Variants in RAB44 observed in about 807,000 individuals in gnomAD.
RAB44 encodes the protein RAB44, member RAS oncogene family.
Under a neutral mutation model 93.3 loss-of-function variants are expected in RAB44, and 67 were observed. The ratio of observed to expected loss-of-function variants is 0.72; its 90% CI spans 0.59 to 0.88. The LOEUF (loss-of-function observed/expected upper bound fraction) is 0.88. RAB44 is among the 40% of genes least tolerant of loss of function. The probability of loss-of-function intolerance (pLI) is 0.00; values close to 1 mark genes in which losing one functional copy is unlikely to be tolerated. For missense variants in RAB44, 1,064 were observed against 1,261.7 expected (o/e 0.84, Z 2.37); for synonymous variants, 427 against 520.3 (o/e 0.82, Z 2.44).
Position 36,710,705 on chromosome 6 carries a change from G to A in RAB44, c.208-3123G>A, listed in dbSNP as rs1378485677. Among the ~76,000 whole-genome samples the A allele has an allele frequency of 9.2e-5, 14 of 151,706 alleles. 1 individual carries two copies. The highest frequency in any genetic ancestry group is 2.4e-4 in the African/African-American group (10 of 41,148). ...ATGATCTTGGCTCACCGCAACCTCC[G>A]CCTCCTGGGATCAAGTGATTCTCCT... is the stretch of plus-strand genomic sequence containing the variant. On this transcript the variant is annotated intron_variant, in intron 2 of 13. Coordinates refer to ENST00000612677, the MANE Select transcript of RAB44 (RefSeq NM_001257357.2).
In RAB44 at chr6:36,732,124, C is replaced by A; in HGVS notation, c.*31C>A. 5.8e-6 allele frequency: 7 copies of A among 1,211,180 alleles called. No individual in the cohort carries two copies. The South Asian group carries it at 2.1e-4, about 36-fold the overall frequency. 75.0% of individuals were successfully genotyped at this position (1,211,180 alleles called of 1,614,324 possible). On this transcript the variant is annotated 3_prime_UTR_variant, in exon 14 of 14. Transcript: ENST00000612677. ...TGTCCTGTCCTGGGTAGGATGGACA[C>A]CCATGGGGTTTCCTGTCCCTCAGCT...
At chr6:36,709,860 A>G (rs913514965) in intron 2 of RAB44, among the ~76,000 whole-genome samples, 3 of 152,150 alleles carry the variant, frequency 2.0e-5, no homozygotes, top group African/African-American at 4.8e-5. Context: ...CCCAGCCTGT[A>G]TTAATTGCAC....
chr6:36,708,057 A>T (rs1219537906), intron 2 of RAB44, among the ~76,000 whole-genome samples: 1 of 152,010 alleles, frequency 6.6e-6, no homozygotes, highest in Non-Finnish European at 1.5e-5. Context: ...AAAAAGGTTT[A>T]AAAAATTAGC....
rs77465494 is a variant in RAB44, at chr6:36,703,038, G to A, written c.-12-1186G>A. 2.7e-3 allele frequency among the ~76,000 whole-genome samples: 406 copies of A among 152,266 alleles called. 2 individuals carry two copies. The highest frequency in any genetic ancestry group is 9.2e-3 in the African/African-American group (382 of 41,546). ...TGTACTACCGCAGATACCATAGAAT[G>A]GGAAATTTACATAGAGCAGAAATTT... On this transcript the variant is annotated intron_variant, in intron 1 of 13. Coordinates refer to ENST00000612677, the MANE Select transcript of RAB44 (RefSeq NM_001257357.2).
At chr6:36,715,136 A>G (rs1273471421) in intron 3 of RAB44, among the ~76,000 whole-genome samples, 1 of 148,398 alleles carries the variant, frequency 6.7e-6, no homozygotes, top group Non-Finnish European at 1.5e-5. Flanking sequence ...AACTCGCACT[A>G]GAATGTCATC....
chr6:36,723,408 GTTA>G (rs1228098548), intron 9 of RAB44, among the ~76,000 whole-genome samples: 1 of 152,074 alleles, frequency 6.6e-6, no homozygotes, highest in Non-Finnish European at 1.5e-5. Flanking sequence ...TATTATGGTT[GTTA>G]TTATTATTAT....
chr6:36,722,276 C>T lies in RAB44; in HGVS notation c.2142C>T (p.Asp714=), dbSNP rs987460273. The T allele has an allele frequency of 3.9e-6, 5 of 1,293,778 alleles. No homozygotes were observed. The highest frequency in any genetic ancestry group is 4.9e-6 in the Non-Finnish European group (5 of 1,022,686). The allele number at this position is 1,293,778 out of a possible 1,614,324, so 80.1% of individuals were successfully genotyped here. The part of the protein sequence containing the change: ...ETAHSELPQQ[D]SLLVSLPSAT... ...CGCATTCGGAACTCCCCCAGCAAGA[C>T]TCTCTGCTTGTTTCTCTCCCATCTG... The change falls in exon 9 of 14, where the codon GAC becomes GAT. Residue 714 remains aspartate (D), a synonymous_variant. Transcript: ENST00000612677.
intron 1 of RAB44, among the ~76,000 whole-genome samples, chr6:36,699,515 A>G (rs879670998): frequency 6.6e-6 from 1 of 152,150 alleles, no homozygotes; most frequent in Non-Finnish European, 1.5e-5. Context: ...ATTGGGCGTC[A>G]CCACAGGAGC....
intron 1 of RAB44, among the ~76,000 whole-genome samples, chr6:36,698,546 G>T (rs1185495224): frequency 6.6e-6 from 1 of 152,160 alleles, no homozygotes; most frequent in Non-Finnish European, 1.5e-5. Flanking sequence ...CTCATGTTTG[G>T]CTTCAAGTTT....
chr6:36,697,873 C>T lies in RAB44; in HGVS notation c.-55C>T. On this transcript the variant is annotated 5_prime_UTR_variant, in exon 1 of 14. Transcript: ENST00000612677. Reference sequence around the variant, plus strand: ...GGCAGCAGTCACCCTACCACCAGGTCCCAGAGCCCAGGGCTGTGTGTTCCA... The same window carrying T: ...GGCAGCAGTCACCCTACCACCAGGTTCCAGAGCCCAGGGCTGTGTGTTCCA... 6.6e-6 allele frequency: 1 copy of T among 152,436 alleles called. No homozygotes were observed. Among genetic ancestry groups the T allele is most frequent in the Non-Finnish European group, 1.5e-5 (1 of 68,118 alleles). 9.4% of individuals were successfully genotyped at this position (152,436 alleles called of 1,614,324 possible).
intron 9 of RAB44, among the ~76,000 whole-genome samples, chr6:36,723,937 G>A (rs977310444): frequency 2.6e-4 from 39 of 150,890 alleles, no homozygotes; most frequent in Admixed American, 2.1e-3. Flanking sequence ...GGCACATGCC[G>A]ACTGGGGATC....
At position 36,730,759 on chromosome 6, in the gene RAB44, G is replaced by GGCCGGGCGC; in HGVS notation, c.2975+10_2975+11insGCCGGGCGC. Reference sequence around the variant, plus strand: ...TAGTAAACCTGGCCAGGTAAGTGCTGCCCGCCCCCCGCCGCCCCCACCCCC... The same window carrying GGCCGGGCGC: ...TAGTAAACCTGGCCAGGTAAGTGCTGGCCGGGCGCCCCGCCCCCCGCCGCCCCCACCCCC... On this transcript the variant is annotated intron_variant, in intron 13 of 13. Coordinates refer to ENST00000612677, the MANE Select transcript of RAB44 (RefSeq NM_001257357.2). 1 of 1,203,334 alleles carries GGCCGGGCGC rather than the reference G, an allele frequency of 8.3e-7. No individual in the cohort carries two copies. The highest frequency in any genetic ancestry group is 1.0e-6 in the Non-Finnish European group (1 of 974,732). 74.5% of individuals were successfully genotyped at this position (1,203,334 alleles called of 1,614,324 possible). A position where few individuals can be genotyped will look rare whatever the true frequency, so the allele number is the denominator to read the frequency against.
At position 36,732,632 on chromosome 6, in the gene RAB44, G is replaced by C. The variant is rs1486109722; in HGVS notation, c.*539G>C. ...GAGCGGTCCCTCTGTGCTCTGCTTG[G>C]CAGGGCGCTGTTGGCCTGGTCTCCC... On this transcript the variant is annotated 3_prime_UTR_variant, in exon 14 of 14. Coordinates refer to ENST00000612677, the MANE Select transcript of RAB44 (RefSeq NM_001257357.2). 1 of 152,118 alleles carries C rather than the reference G, an allele frequency of 6.6e-6. No individual in the cohort carries two copies. Among genetic ancestry groups the C allele is most frequent in the African/African-American group, 2.4e-5 (1 of 41,398 alleles). The allele number at this position is 152,118 out of a possible 1,614,324, so 9.4% of individuals were successfully genotyped here. A position where few individuals can be genotyped will look rare whatever the true frequency, so the allele number is the denominator to read the frequency against.
intron 9 of RAB44, 135 bp from the exon 10 acceptor site, chr6:36,725,727 C>T: frequency 1.5e-6 from 1 of 657,574 alleles, no homozygotes; most frequent in Non-Finnish European, 2.9e-6. Context: ...GGATGCAGAG[C>T]CGAGGGGAAG....
intron 3 of RAB44, among the ~76,000 whole-genome samples, chr6:36,714,311 C>G (rs955960742): frequency 1.3e-5 from 2 of 152,154 alleles, no homozygotes; most frequent in Non-Finnish European, 2.9e-5. Context: ...GTGCTGAGCC[C>G]CCACTGGGCA....
intron 10 of RAB44, among the ~76,000 whole-genome samples, chr6:36,726,604 T>C (rs945419339): frequency 1.3e-5 from 2 of 152,156 alleles, no homozygotes; most frequent in African/African-American, 4.8e-5. Context: ...AGAAATTCAT[T>C]CTATAAATAG....
In RAB44 at chr6:36,718,074, A is replaced by G; in HGVS notation, c.688A>G (p.Met230Val). 8.1e-7 allele frequency: 1 copy of G among 1,231,978 alleles called. No homozygotes were observed. The highest frequency in any genetic ancestry group is 4.1e-5 in the South Asian group (1 of 24,294). 76.3% of individuals were successfully genotyped at this position (1,231,978 alleles called of 1,614,324 possible). A position where few individuals can be genotyped will look rare whatever the true frequency, so the allele number is the denominator to read the frequency against. The part of the protein sequence containing the change: ...HREVQQLYEE[M>V]EQQIRQEKQQ... ...CGAGGTCCAGCAGCTCTATGAGGAG[A>G]TGGAGCAGCAGATCCGCCAGGAGAA... Residue 230 changes from methionine to valine, a missense_variant, in exon 6 of 14, where the codon ATG becomes GTG. Coordinates refer to ENST00000612677, the MANE Select transcript of RAB44 (RefSeq NM_001257357.2).
intron 1 of RAB44, among the ~76,000 whole-genome samples, chr6:36,700,119 G>T (rs748953756): frequency 3.3e-5 from 5 of 152,210 alleles, no homozygotes; most frequent in African/African-American, 4.8e-5. Flanking sequence ...AGTGAAGCTG[G>T]AAAGGGAGGT....
At chr6:36,707,726 C>A (rs966239585) in intron 2 of RAB44, among the ~76,000 whole-genome samples, 5 of 152,150 alleles carry the variant, frequency 3.3e-5, no homozygotes. Flanking sequence ...GTGTGTTTTT[C>A]TTTGTTGAAG....
Sources: gnomAD v4.1 joint callset for allele counts (sites outside exome capture counted in the v4.1 genomes callset) on GRCh38, gnomAD v4.1.1 for gene constraint, MANE v1.5 for transcripts, NCBI Gene and HGNC (gene_info 2026-07-23, HGNC 2026-07-21) for gene names.